Variants in PLCG2 observed in about 807,000 individuals in gnomAD.
PLCG2 encodes phospholipase C gamma 2, also known as 1-phosphatidylinositol 4,5-bisphosphate phosphodiesterase gamma-2.
In PLCG2, 69 loss-of-function variants were observed where a neutral mutation model predicts 175.6. That is an observed-to-expected ratio of 0.39 (90% CI 0.32 to 0.48). PLCG2 has a LOEUF of 0.48. Ranked by LOEUF, PLCG2 falls within the 20% of genes least tolerant of loss-of-function variation. PLCG2 has a pLI of 0.91. For missense variants in PLCG2, 1,798 were observed against 1,650.9 expected (o/e 1.09, Z -1.54); for synonymous variants, 827 against 624.0 (o/e 1.33, Z -4.85).
Position 81,934,485 on chromosome 16 carries a change from C to T in PLCG2, c.2796C>T (p.Asp932=), listed in dbSNP as rs749010418. Residue 932 remains aspartate, a synonymous_variant, in exon 26 of 33, where the codon GAC becomes GAT. Coordinates refer to ENST00000564138, the MANE Select transcript of PLCG2 (RefSeq NM_002661.5). The part of the protein sequence containing the change: ...KNQSIAIELS[D]LVVYCKPTSK... Reference sequence around the variant, plus strand: ...AGTCCATCGCCATCGAGCTCTCTGACCTGGTTGTCTACTGCAAACCAACCA... The same window carrying T: ...AGTCCATCGCCATCGAGCTCTCTGATCTGGTTGTCTACTGCAAACCAACCA... The T allele has an allele frequency of 6.2e-7, 1 of 1,613,544 alleles. No individual in the cohort carries two copies. The highest frequency in any genetic ancestry group is 8.5e-7 in the Non-Finnish European group (1 of 1,179,684).
intron 2 of PLCG2, among the ~76,000 whole-genome samples, chr16:81,832,632 G>A (rs1160231078): frequency 6.6e-6 from 1 of 152,216 alleles, no homozygotes; most frequent in South Asian, 2.1e-4. Context: ...TTAAACTGCA[G>A]AGCTGAAGCC....
chr16:81,892,226 C>G (rs191067922), intron 11 of PLCG2, among the ~76,000 whole-genome samples: 113 of 152,326 alleles, frequency 7.4e-4, no homozygotes, highest in African/African-American at 2.6e-3. Context: ...AAGGCAGGTC[C>G]TGCTGGAGCA....
At position 81,893,260 on chromosome 16, in the gene PLCG2, A is replaced by G. The variant is rs111533716; in HGVS notation, c.987-449A>G. Among the ~76,000 whole-genome samples the G allele has an allele frequency of 9.3e-3, 1,419 of 152,318 alleles. 22 individuals carry two copies. Among genetic ancestry groups the G allele is most frequent in the African/African-American group, 0.033 (1,359 of 41,568 alleles). On this transcript the variant is annotated intron_variant, in intron 11 of 32. Transcript: ENST00000564138. ...AGTTTTGGTGGATATGGCTCCTAGC[A>G]TAGCCGATTGCACCAACAGTTGTTG...
intron 14 of PLCG2, among the ~76,000 whole-genome samples, chr16:81,904,970 C>G (rs919515171): frequency 6.6e-6 from 1 of 152,226 alleles, no homozygotes; most frequent in Non-Finnish European, 1.5e-5. Flanking sequence ...TCACTGCAAC[C>G]TCCACTTCCC....
intron 22 of PLCG2, among the ~76,000 whole-genome samples, chr16:81,924,959 G>A (rs747475287): frequency 2.0e-4 from 31 of 152,242 alleles, no homozygotes; most frequent in Non-Finnish European, 4.0e-4. Flanking sequence ...GCACACTGGC[G>A]TTCCCTCACT....
intron 2 of PLCG2, among the ~76,000 whole-genome samples, chr16:81,821,777 C>G (rs930618392): frequency 1.3e-5 from 2 of 152,170 alleles, no homozygotes; most frequent in African/African-American, 2.4e-5. Flanking sequence ...GTGGCAAATG[C>G]TTTGCATAAC....
chr16:81,945,560 T>G (rs780047624), intron 30 of PLCG2, among the ~76,000 whole-genome samples: 60 of 152,230 alleles, frequency 3.9e-4, no homozygotes, highest in Non-Finnish European at 7.6e-4. Context: ...ATGTGTTGCC[T>G]TAAACATTAC....
intron 2 of PLCG2, among the ~76,000 whole-genome samples, chr16:81,828,693 C>T (rs1230075616): frequency 2.6e-5 from 4 of 152,186 alleles, no homozygotes; most frequent in African/African-American, 9.7e-5. Flanking sequence ...TCGTCTGAGA[C>T]TCAGTTTCCT....
intron 7 of PLCG2, among the ~76,000 whole-genome samples, chr16:81,876,907 C>T (rs750865012): frequency 3.3e-5 from 5 of 152,220 alleles, no homozygotes; most frequent in Non-Finnish European, 7.3e-5. Context: ...ATTGTGTGTA[C>T]ATATGTACGT....
At chr16:81,755,659 G>A (rs931821708) in intron 1 of PLCG2, among the ~76,000 whole-genome samples, 3 of 152,010 alleles carry the variant, frequency 2.0e-5, no homozygotes, top group Non-Finnish European at 2.9e-5. Context: ...CCGAGTAGCT[G>A]GGATTACAGG....
At chr16:81,778,020 A>AAC (rs1910488729), upstream of PLCG2, among the ~76,000 whole-genome samples, 1 of 66,658 alleles carries the variant, frequency 1.5e-5, no homozygotes, top group African/African-American at 7.8e-5. Context: ...TTGTCTCAAA[A>AAC]AAAAAAAAAA....
chr16:81,945,155 A>G (rs1911102616), intron 30 of PLCG2, among the ~76,000 whole-genome samples: 1 of 152,212 alleles, frequency 6.6e-6, no homozygotes, highest in Non-Finnish European at 1.5e-5. Context: ...GCGGAAAGTG[A>G]GAGATTCAGT....
chr16:81,834,175 A>G (rs889059915), intron 2 of PLCG2, among the ~76,000 whole-genome samples: 3 of 152,138 alleles, frequency 2.0e-5, no homozygotes, highest in African/African-American at 7.2e-5. Context: ...GTCTCTGGAA[A>G]ATGGGGCTTT....
chr16:81,862,317 G>C (rs1225191789), intron 5 of PLCG2, among the ~76,000 whole-genome samples: 1 of 152,244 alleles, frequency 6.6e-6, no homozygotes, highest in Non-Finnish European at 1.5e-5. Flanking sequence ...TTTTCTAGAG[G>C]CAAATGGTAG....
At position 81,742,025 on chromosome 16, in the gene PLCG2, ATCCTCCCCTCCC is replaced by A. The variant is rs529343105; in HGVS notation, c.-145+2650_-145+2661del. Among the ~76,000 whole-genome samples the A allele has an allele frequency of 3.6e-3, 550 of 151,816 alleles. 2 individuals are homozygous for A. The highest frequency in any genetic ancestry group is 6.5e-3 in the Non-Finnish European group (441 of 67,946). On this transcript the variant is annotated intron_variant, in intron 1 of 5. Transcript: ENST00000565054. ...TGTGTGCATTCACCAACTTCTCCCT[ATCCTCCCCTCCC>A]TCCTCCCCTTCCCAGCCTCCAGTAT...
chr16:81,900,789 C>A lies in PLCG2; in HGVS notation c.1362+9C>A. On this transcript the variant is annotated intron_variant, in intron 14 of 32. Coordinates refer to ENST00000564138, the MANE Select transcript of PLCG2 (RefSeq NM_002661.5). ...AGAAGATCATCATCAAGGTAGGCAC[C>A]CCGGGTGCTGCTGTTGGCTGTCCAG... 2 of 1,591,886 alleles carry A rather than the reference C, an allele frequency of 1.3e-6. No homozygotes were observed. The highest frequency in any genetic ancestry group is 2.3e-5 in the East Asian group (1 of 44,182).
chr16:81,793,589 A>G (rs1489516583), intron 2 of PLCG2, among the ~76,000 whole-genome samples: 1 of 152,160 alleles, frequency 6.6e-6, no homozygotes. Context: ...ATTTGTGGCA[A>G]GTGGTGGCTG....
At chr16:81,794,694 A>G (rs1911388128) in intron 2 of PLCG2, among the ~76,000 whole-genome samples, 1 of 152,250 alleles carries the variant, frequency 6.6e-6, no homozygotes, top group South Asian at 2.1e-4. Context: ...AAATCCTTCA[A>G]TAGTATCTGG....
At chr16:81,858,455 A>T in intron 4 of PLCG2, 99 bp downstream of exon 4, 1 of 845,968 alleles carries the variant, frequency 1.2e-6, no homozygotes, top group Non-Finnish European at 2.0e-6. Context: ...AAAAAAAGGG[A>T]CATTGGTTTT....
Sources: gnomAD v4.1 joint callset for allele counts (sites outside exome capture counted in the v4.1 genomes callset) on GRCh38, gnomAD v4.1.1 for gene constraint, MANE v1.5 for transcripts, NCBI Gene and HGNC (gene_info 2026-07-23, HGNC 2026-07-21) for gene names.